Variants in IPO11 observed in about 807,000 individuals in gnomAD.
IPO11 encodes the protein importin 11, also known as importin-11.
A neutral mutation model predicts 143.2 loss-of-function variants in IPO11; 66 were observed. The ratio of observed to expected loss-of-function variants is 0.46; its 90% confidence interval spans 0.38 to 0.57. IPO11 has a LOEUF of 0.57. Among genes scored for constraint, IPO11 ranks in the 20% least tolerant of loss-of-function variants. The pLI, the probability that IPO11 is intolerant of heterozygous loss-of-function variation, is 0.00. For synonymous variants in IPO11, 385 were observed against 377.8 expected, an observed-to-expected ratio of 1.02 and a Z score of -0.22; for missense variants, 1,026 against 1,141.0, an observed-to-expected ratio of 0.90 and a Z score of 1.45.
At chr5:62,494,169 A>T (rs771494380) in intron 16 of IPO11, 45 bp downstream of exon 16, 10 of 1,531,888 alleles carry the variant, frequency 6.5e-6, no homozygotes, top group Middle Eastern at 2.0e-4. Flanking sequence ...TTAAAGTTTC[A>T]TCTGTGCAAA....
intron 22 of IPO11, among the ~76,000 whole-genome samples, chr5:62,531,329 C>T (rs1742535757): frequency 6.6e-6 from 1 of 152,112 alleles, no homozygotes; most frequent in South Asian, 2.1e-4. Context: ...CACACCATCT[C>T]ATCTGGCTAT....
chr5:62,483,859 A>G (rs984199131), intron 10 of IPO11, 151 bp from the exon 11 acceptor site: 12 of 630,160 alleles, frequency 1.9e-5, no homozygotes, highest in Admixed American at 7.2e-5. Flanking sequence ...AGGAAAGAGT[A>G]TCTTTGAGAT....
In IPO11 at chr5:62,489,354, GTTAAAC is replaced by G. The variant is rs1746523405; in HGVS notation, c.1357+10_1357+15del. 6.4e-7 allele frequency: 1 copy of G among 1,553,430 alleles called. No individual in the cohort carries two copies. The highest frequency in any genetic ancestry group is 8.7e-7 in the Non-Finnish European group (1 of 1,144,030). ...CACTGTTAATCAAAGATGCTGGTAT[GTTAAAC>G]TTAAGTGATTTAGAAGCATTTATTT... On this transcript the variant is annotated splice_donor_region_variant and intron_variant, in intron 14 of 29. Coordinates refer to ENST00000325324, the MANE Select transcript of IPO11 (RefSeq NM_016338.5).
intron 15 of IPO11, among the ~76,000 whole-genome samples, chr5:62,492,400 C>T (rs79014187): frequency 0.021 from 3,147 of 152,260 alleles, 110 homozygotes; most frequent in African/African-American, 0.069. Context: ...CAAAGACTTG[C>T]TCAGATTCCG....
At chr5:62,609,588 T>C (rs1446828134) in intron 29 of IPO11, among the ~76,000 whole-genome samples, 2 of 152,262 alleles carry the variant, frequency 1.3e-5, no homozygotes, top group Non-Finnish European at 2.9e-5. Context: ...AAGGAGCTCC[T>C]AGACCAGTGT....
intron 19 of IPO11, among the ~76,000 whole-genome samples, chr5:62,513,343 G>A (rs1741853513): frequency 7.2e-6 from 1 of 139,700 alleles, no homozygotes; most frequent in Admixed American, 7.1e-5. Context: ...CAGACGGGGC[G>A]GCTGGCTGGG....
intron 27 of IPO11, among the ~76,000 whole-genome samples, chr5:62,575,448 T>G (rs1744282322): frequency 6.6e-6 from 1 of 152,176 alleles, no homozygotes; most frequent in South Asian, 2.1e-4. Flanking sequence ...GTAGTCTCTT[T>G]TACTCTGTCA....
At chr5:62,515,204 T>C (rs974410543) in intron 19 of IPO11, among the ~76,000 whole-genome samples, 184 bp from the exon 20 acceptor site, 1 of 152,210 alleles carries the variant, frequency 6.6e-6, no homozygotes, top group Non-Finnish European at 1.5e-5. Flanking sequence ...ATATTTACTA[T>C]AGAGCCCTGG....
At position 62,438,765 on chromosome 5, in the gene IPO11, G is replaced by C. The variant is rs573844513; in HGVS notation, c.138+1348G>C. 4.8e-5 allele frequency among the ~76,000 whole-genome samples: 7 copies of C among 146,614 alleles called. No individual in the cohort carries two copies. In the East Asian group the frequency reaches 6.2e-4, roughly 13 times the overall value. On this transcript the variant is annotated intron_variant, in intron 2 of 29. Coordinates refer to ENST00000325324, the MANE Select transcript of IPO11 (RefSeq NM_016338.5). ...GAAACTCCATCTCAAAAAAAAAAGG[G>C]GGGGAGCAGCGGGGCCAGGTGTGGT... is the stretch of plus-strand genomic sequence containing the variant.
intron 24 of IPO11, among the ~76,000 whole-genome samples, chr5:62,537,838 T>C (rs1742787742): frequency 6.6e-6 from 1 of 152,044 alleles, no homozygotes; most frequent in African/African-American, 2.4e-5. Flanking sequence ...ATTAAATGTA[T>C]ATATTTACAT....
At position 62,484,106 on chromosome 5, in the gene IPO11, A is replaced by T; in HGVS notation, c.1118A>T (p.Tyr373Phe). Residue 373 changes from tyrosine (Y) to phenylalanine (F), a missense_variant, in exon 11 of 30, where the codon TAT becomes TTT. Tyr to Phe is a conservative substitution (Grantham distance 22). Transcript: ENST00000325324. ...ATATGTAGAAGATTAGTCTCTCATTATTTCCTATTAACTGAAGAAGAACTG... is the reference window on the plus strand; with the variant it reads ...ATATGTAGAAGATTAGTCTCTCATTTTTTCCTATTAACTGAAGAAGAACTG... ...TEICRRLVSH[Y>F]FLLTEEELTM... is the part of the protein sequence containing the mutation. 6.2e-7 allele frequency: 1 copy of T among 1,610,944 alleles called. No homozygotes were observed. The highest frequency in any genetic ancestry group is 1.3e-5 in the African/African-American group (1 of 74,866).
chr5:62,571,366 T>G (rs1199076202), intron 27 of IPO11, among the ~76,000 whole-genome samples: 2 of 152,192 alleles, frequency 1.3e-5, no homozygotes, highest in Non-Finnish European at 2.9e-5. Context: ...ATGGAAGCAG[T>G]GATAACAGCT....
chr5:62,519,447 A>G (rs537551616), intron 20 of IPO11, among the ~76,000 whole-genome samples: 6 of 152,298 alleles, frequency 3.9e-5, no homozygotes, highest in African/African-American at 1.4e-4. Context: ...TGATTTAAGC[A>G]TTGTAGGCAT....
rs913709530 is a variant in IPO11 at position 62,464,076 on chromosome 5, G to A, written c.517-3055G>A. The stretch of plus-strand genomic sequence containing the variant: ...TGACCTCAGGTGATCCACCTGCCTC[G>A]GTCCCCCAGAGTGCTGGGATTACAG... On this transcript the variant is annotated intron_variant, in intron 5 of 29. Coordinates refer to ENST00000325324, the MANE Select transcript of IPO11 (RefSeq NM_016338.5). Among the ~76,000 whole-genome samples the A allele has an allele frequency of 2.0e-3, 301 of 151,304 alleles. 2 individuals are homozygous for A. Among genetic ancestry groups the A allele is most frequent in the African/African-American group, 7.0e-3 (290 of 41,216 alleles).
intron 27 of IPO11, chr5:62,579,681 AG>A: frequency 6.5e-7 from 1 of 1,547,106 alleles, no homozygotes. Flanking sequence ...GTGAATTAAC[AG>A]GACTTCATTC....
chr5:62,556,392 A>T (rs966251278), intron 26 of IPO11, among the ~76,000 whole-genome samples: 1 of 152,236 alleles, frequency 6.6e-6, no homozygotes, highest in Non-Finnish European at 1.5e-5. Context: ...TTAAAGCATC[A>T]TATGAGGACT....
chr5:62,483,293 G>T lies in IPO11; in HGVS notation c.1021G>T (p.Asp341Tyr). The T allele has an allele frequency of 1.3e-6, 2 of 1,517,210 alleles. No individual in the cohort carries two copies. Among genetic ancestry groups the T allele is most frequent in the South Asian group, 1.3e-5 (1 of 77,922 alleles). 94.0% of individuals were successfully genotyped at this position (1,517,210 alleles called of 1,614,324 possible). The change falls in exon 10 of 30, where the codon GAT (aspartate) becomes TAT (tyrosine). Residue 341 changes from aspartate to tyrosine, a missense_variant and splice_region_variant. Coordinates refer to ENST00000325324, the MANE Select transcript of IPO11 (RefSeq NM_016338.5). ...YAYKPSKNFE[D>Y]SSPETLEAHK... Reference sequence around the variant, plus strand: ...TTATAAGCCATCCAAAAATTTTGAAGGTAATTCCTTTATTGGCAGTTTAAA... The same window carrying T: ...TTATAAGCCATCCAAAAATTTTGAATGTAATTCCTTTATTGGCAGTTTAAA...
At chr5:62,467,081 A>G (rs374199290) in intron 5 of IPO11, 50 bp from the exon 6 acceptor site, 2 of 1,503,596 alleles carry the variant, frequency 1.3e-6, no homozygotes, top group Admixed American at 2.1e-5. Flanking sequence ...CTAATGTATT[A>G]CTGAAATGTA....
chr5:62,434,378 T>A (rs1321479712), intron 1 of IPO11, among the ~76,000 whole-genome samples: 1 of 152,120 alleles, frequency 6.6e-6, no homozygotes, highest in Admixed American at 6.6e-5. Flanking sequence ...CACAGCTCAC[T>A]GTATCCTGGA....
Sources: allele counts gnomAD v4.1 joint callset (sites outside exome capture counted in the v4.1 genomes callset), GRCh38; gene constraint gnomAD v4.1.1; transcripts MANE v1.5; gene names NCBI Gene and HGNC (gene_info 2026-07-23, HGNC 2026-07-21).